Variants in TMCO5A observed in about 807,000 individuals in gnomAD.
TMCO5A encodes the protein transmembrane and coiled-coil domains 5A.
Under a neutral mutation model 42.3 loss-of-function variants are expected in TMCO5A, and 34 were observed. The ratio of observed to expected loss-of-function variants is 0.80; its 90% confidence interval spans 0.61 to 1.07. The LOEUF (loss-of-function observed/expected upper bound fraction) is 1.07. Among genes scored for constraint, TMCO5A ranks in the 50% least tolerant of loss-of-function variants. TMCO5A has a pLI of 0.00. For synonymous variants in TMCO5A, 131 were observed against 115.6 expected (o/e 1.13, Z -0.86); for missense variants, 357 against 327.9 (o/e 1.09, Z -0.69).
chr15:37,965,453 T>A (rs1890534271), intron 11 of TMCO5A, among the ~76,000 whole-genome samples: 1 of 151,966 alleles, frequency 6.6e-6, no homozygotes, highest in African/African-American at 2.4e-5. Context: ...AATGAAACAA[T>A]CAACAAAGTG....
the TMCO5A span, among the ~76,000 whole-genome samples, chr15:38,035,417 C>G: frequency 1.3e-5 from 2 of 152,136 alleles, no homozygotes; most frequent in Non-Finnish European, 2.9e-5. Flanking sequence ...AAAACCAAAC[C>G]AATCTTTTCC....
downstream of TMCO5A, among the ~76,000 whole-genome samples, chr15:37,955,440 AT>A: frequency 6.6e-6 from 1 of 152,086 alleles, no homozygotes; most frequent in South Asian, 2.1e-4. Context: ...AGGGGTTGCA[AT>A]CCTAGTCTCT....
chr15:38,039,431 C>T, the TMCO5A span, among the ~76,000 whole-genome samples: 3 of 152,254 alleles, frequency 2.0e-5, no homozygotes, highest in Middle Eastern at 3.4e-3. Context: ...TCCCATAGTC[C>T]CTAATAAATA....
the TMCO5A span, among the ~76,000 whole-genome samples, chr15:38,016,121 G>A: frequency 1.1e-4 from 16 of 151,746 alleles, no homozygotes; most frequent in Non-Finnish European, 1.9e-4. Flanking sequence ...CCCCTATGGT[G>A]GGGGGTGTTG....
chr15:38,007,451 T>C, the TMCO5A span, among the ~76,000 whole-genome samples: 1 of 152,160 alleles, frequency 6.6e-6, no homozygotes, highest in African/African-American at 2.4e-5. Context: ...TGAAGAACAT[T>C]AGATACACAG....
At chr15:37,970,239 C>A (rs1279761729), downstream of TMCO5A, among the ~76,000 whole-genome samples, 1 of 152,160 alleles carries the variant, frequency 6.6e-6, no homozygotes, top group Non-Finnish European at 1.5e-5. Flanking sequence ...GCTAGGGAGG[C>A]CTCACAATCA....
Position 37,951,259 on chromosome 15 carries a change from A to G in TMCO5A, c.*25A>G. The G allele has an allele frequency of 6.2e-7, 1 of 1,607,154 alleles. No individual in the cohort carries two copies. The highest frequency in any genetic ancestry group is 8.5e-7 in the Non-Finnish European group (1 of 1,174,746). ...ATTCCCTAAGAAATATCCTTGAGCA[A>G]TAGAAGGGAAGTGGGATCCGAGCCT... On this transcript the variant is annotated 3_prime_UTR_variant, in exon 12 of 12. Transcript: ENST00000319669.
the TMCO5A span, among the ~76,000 whole-genome samples, chr15:37,989,312 T>C: frequency 6.6e-6 from 1 of 151,954 alleles, no homozygotes; most frequent in African/African-American, 2.4e-5. Context: ...AAATTTCTGC[T>C]CTAATCTTTA....
chr15:38,012,567 G>A, the TMCO5A span, among the ~76,000 whole-genome samples: 1 of 151,872 alleles, frequency 6.6e-6, no homozygotes, highest in Admixed American at 6.6e-5. Flanking sequence ...TATGTGTGTT[G>A]CTCATTTTGC....
At chr15:37,977,663 C>T in the TMCO5A span, among the ~76,000 whole-genome samples, 850 of 152,328 alleles carry the variant, frequency 5.6e-3, 4 homozygotes, top group African/African-American at 0.019. Context: ...CTGAAGATCT[C>T]AGTTTGGCAC....
At chr15:38,039,312 G>A in the TMCO5A span, among the ~76,000 whole-genome samples, 63 of 152,250 alleles carry the variant, frequency 4.1e-4, no homozygotes, top group African/African-American at 1.3e-3. Context: ...AAGAGAAAAC[G>A]AATGTTAAGT....
chr15:38,023,157 C>G, the TMCO5A span, among the ~76,000 whole-genome samples: 5 of 152,070 alleles, frequency 3.3e-5, no homozygotes, highest in African/African-American at 1.2e-4. Flanking sequence ...CAACAGTAAT[C>G]GAAGCAGTGT....
chr15:37,953,434 A>G (rs1489112977), downstream of TMCO5A, among the ~76,000 whole-genome samples: 5 of 152,170 alleles, frequency 3.3e-5, no homozygotes. Flanking sequence ...CTGATAATCC[A>G]AAGAATTCTT....
downstream of TMCO5A, among the ~76,000 whole-genome samples, chr15:37,970,905 GC>G (rs1318181476): frequency 6.6e-6 from 1 of 152,184 alleles, no homozygotes; most frequent in Non-Finnish European, 1.5e-5. Flanking sequence ...GCAGGATATA[GC>G]CCCCCTCCTG....
At chr15:37,951,644 C>T (rs922665670), downstream of TMCO5A, 2 of 155,758 alleles carry the variant, frequency 1.3e-5, no homozygotes, top group African/African-American at 4.8e-5. Flanking sequence ...ATAGCAAATA[C>T]ATAAGTATTT....
chr15:37,955,318 C>T (rs1040671734), downstream of TMCO5A, among the ~76,000 whole-genome samples: 11 of 147,738 alleles, frequency 7.4e-5, no homozygotes, highest in African/African-American at 2.5e-4. Flanking sequence ...CCTGAAAAGA[C>T]CAATAACAAG....
the TMCO5A span, among the ~76,000 whole-genome samples, chr15:38,000,819 C>G: frequency 9.9e-5 from 15 of 152,186 alleles, no homozygotes; most frequent in South Asian, 2.3e-3. Context: ...TACCAACATT[C>G]CTCTTGTTAT....
chr15:37,967,926 A>G (rs995243003), downstream of TMCO5A, among the ~76,000 whole-genome samples: 2 of 152,320 alleles, frequency 1.3e-5, no homozygotes, highest in South Asian at 4.1e-4. Flanking sequence ...CTGATCCTAC[A>G]CAACGTGGTC....
Position 37,942,220 on chromosome 15 carries a change from A to G in TMCO5A, c.534A>G (p.Glu178=), listed in dbSNP as rs777602632. The part of the protein sequence containing the change: ...KKYQETLKKI[E]EELEALFLER... Reference sequence around the variant, plus strand: ...ACCAGGAAACGTTGAAGAAAATAGAAGAAGAACTAGAGGCTCTGTTCCTTG... The same window carrying G: ...ACCAGGAAACGTTGAAGAAAATAGAGGAAGAACTAGAGGCTCTGTTCCTTG... The change falls in exon 9 of 12, where the codon GAA becomes GAG. Residue 178 remains glutamate (E), a synonymous_variant. Coordinates refer to ENST00000319669, the MANE Select transcript of TMCO5A (RefSeq NM_152453.4). 5 of 1,612,840 alleles carry G rather than the reference A, an allele frequency of 3.1e-6. No individual in the cohort carries two copies. In the African/African-American group the frequency reaches 4.0e-5, roughly 13 times the overall value.
Sources: allele counts gnomAD v4.1 joint callset (sites outside exome capture counted in the v4.1 genomes callset), GRCh38; gene constraint gnomAD v4.1.1; transcripts MANE v1.5; gene names NCBI Gene and HGNC (gene_info 2026-07-23, HGNC 2026-07-21).